The following NBAS variants were observed in gnomAD, a reference collection of about 807,000 sequenced individuals.
NBAS encodes NBAS subunit of NRZ tethering complex, also known as NAG/BC035112 fusion.
A neutral mutation model predicts 302.5 loss-of-function variants in NBAS; 219 were observed. The observed-to-expected ratio is 0.72, with a 90% confidence interval of 0.65 to 0.81. The LOEUF (loss-of-function observed/expected upper bound fraction) is 0.81, where lower values mean the gene tolerates loss of function less well. NBAS is among the 30% of genes least tolerant of loss of function. The pLI is 0.00. For missense variants in NBAS, 2,932 were observed against 2,841.6 expected (o/e 1.03, Z -0.72); for synonymous variants, 1,118 against 1,021.6 (o/e 1.09, Z -1.80).
At chr2:14,801,037 AT>A in the NBAS span, among the ~76,000 whole-genome samples, 3 of 151,742 alleles carry the variant, frequency 2.0e-5, no homozygotes, top group African/African-American at 4.8e-5. Context: ...TATGCTGACA[AT>A]TTTTTTTCCT....
At chr2:15,070,296 C>T in the NBAS span, among the ~76,000 whole-genome samples, 1 of 152,184 alleles carries the variant, frequency 6.6e-6, no homozygotes, top group Non-Finnish European at 1.5e-5. Flanking sequence ...GGATAGACCA[C>T]AGCTCTTTTT....
intron 9 of NBAS, among the ~76,000 whole-genome samples, chr2:15,531,846 T>A (rs1663230757): frequency 6.6e-6 from 1 of 152,156 alleles, no homozygotes; most frequent in Non-Finnish European, 1.5e-5. Context: ...TCAATGAGGG[T>A]AATGTGGCCA....
chr2:15,273,950 C>T (rs1030258506), intron 44 of NBAS, among the ~76,000 whole-genome samples: 4 of 151,630 alleles, frequency 2.6e-5, no homozygotes, highest in African/African-American at 7.3e-5. Flanking sequence ...GGCATGGTGG[C>T]GGGCTCCTGT....
the NBAS span, among the ~76,000 whole-genome samples, chr2:14,795,230 G>C: frequency 6.6e-6 from 1 of 151,976 alleles, no homozygotes; most frequent in Non-Finnish European, 1.5e-5. Context: ...AGCAGTGTAA[G>C]ATAGTTACAG....
intron 19 of NBAS, among the ~76,000 whole-genome samples, chr2:15,465,132 T>C (rs1402654329): frequency 6.6e-6 from 1 of 152,232 alleles, no homozygotes; most frequent in African/African-American, 2.4e-5. Flanking sequence ...AAGGGTATTC[T>C]CCTACCTACT....
chr2:15,440,426 CA>C (rs1391435313), intron 21 of NBAS, among the ~76,000 whole-genome samples: 1 of 152,000 alleles, frequency 6.6e-6, no homozygotes, highest in Admixed American at 6.5e-5. Flanking sequence ...TACCAAACTC[CA>C]ACAGACCTGC....
intron 28 of NBAS, 43 bp from the exon 29 acceptor site, chr2:15,383,360 C>A: frequency 6.4e-7 from 1 of 1,551,444 alleles, no homozygotes; most frequent in Non-Finnish European, 8.9e-7. Context: ...GGAAAGAAAA[C>A]AATTAAAATC....
In NBAS at chr2:15,467,263, G is replaced by A. The variant is rs919124003; in HGVS notation, c.2097+66C>T. ...AAGACCAAGAATATCCGATATTAGGGCAGCCATAGCATTTATAATGACAGA... is the reference window on the plus strand; with the variant it reads ...AAGACCAAGAATATCCGATATTAGGACAGCCATAGCATTTATAATGACAGA... On this transcript the variant is annotated intron_variant, in intron 19 of 51. Transcript: ENST00000281513. The A allele has an allele frequency of 2.1e-5, 24 of 1,132,274 alleles. No individual in the cohort carries two copies. In the African/African-American group the frequency reaches 3.0e-4, roughly 14 times the overall value. The allele number at this position is 1,132,274 out of a possible 1,614,324, so 70.1% of individuals were successfully genotyped here. A position where few individuals can be genotyped will look rare whatever the true frequency, so the allele number is the denominator to read the frequency against.
intron 45 of NBAS, among the ~76,000 whole-genome samples, chr2:15,237,522 T>C (rs1411451356): frequency 1.3e-5 from 2 of 151,606 alleles, no homozygotes; most frequent in Admixed American, 6.6e-5. Flanking sequence ...CTATTTCTGA[T>C]TTTTTTTCTG....
Position 15,275,802 on chromosome 2 carries a change from C to G in NBAS, c.5406G>C (p.Lys1802Asn). 1 of 1,613,372 alleles carries G rather than the reference C, an allele frequency of 6.2e-7. No individual in the cohort carries two copies. The highest frequency in any genetic ancestry group is 8.5e-7 in the Non-Finnish European group (1 of 1,179,972). The change falls in exon 44 of 52, where the codon AAG (lysine) becomes AAC (asparagine). Residue 1802 changes from lysine to asparagine, a missense_variant. Physicochemically the swap from Lys to Asn is moderately conservative, Grantham distance 94. Coordinates refer to ENST00000281513, the MANE Select transcript of NBAS (RefSeq NM_015909.4). ...GAGGACTCATGTTTTCATCTGTCAG[C>G]TTTTTGTAATTAAGACCTAGCAGAA... ...KVVASGLNYKKLTDENMSPLE... is the reference protein window; with the variant it reads ...KVVASGLNYKNLTDENMSPLE...
chr2:15,351,428 G>A (rs1257295864), intron 35 of NBAS, among the ~76,000 whole-genome samples: 1 of 152,104 alleles, frequency 6.6e-6, no homozygotes, highest in Non-Finnish European at 1.5e-5. Flanking sequence ...TGTAATCCAC[G>A]CACTTTGGAA....
At chr2:14,953,710 G>C in the NBAS span, among the ~76,000 whole-genome samples, 1 of 152,254 alleles carries the variant, frequency 6.6e-6, no homozygotes, top group East Asian at 1.9e-4. Flanking sequence ...AATTCCACAG[G>C]GGATGAGGAA....
At chr2:15,500,683 C>T (rs911605641) in intron 11 of NBAS, among the ~76,000 whole-genome samples, 2 of 151,820 alleles carry the variant, frequency 1.3e-5, no homozygotes, top group African/African-American at 2.4e-5. Flanking sequence ...CGCCTGTAAT[C>T]CCAGCACTTT....
chr2:15,083,107 A>C, the NBAS span, among the ~76,000 whole-genome samples: 1 of 152,196 alleles, frequency 6.6e-6, no homozygotes, highest in Non-Finnish European at 1.5e-5. Context: ...ATGGAGCAAA[A>C]GTGTGGGACA....
chr2:15,310,326 A>G (rs555048890), intron 38 of NBAS, among the ~76,000 whole-genome samples: 2 of 152,338 alleles, frequency 1.3e-5, no homozygotes, highest in South Asian at 4.1e-4. Flanking sequence ...CAAAGGGAAC[A>G]TCAGTTATCC....
the NBAS span, among the ~76,000 whole-genome samples, chr2:14,834,841 G>A: frequency 8.3e-4 from 127 of 152,142 alleles, no homozygotes; most frequent in Admixed American, 2.2e-3. Context: ...TGAAGGGGTG[G>A]AAATCGTCAG....
the NBAS span, among the ~76,000 whole-genome samples, chr2:15,144,067 A>ATC: frequency 9.5e-5 from 11 of 115,832 alleles, no homozygotes; most frequent in East Asian, 4.0e-4. Context: ...ATATATATAT[A>ATC]TCTCCCATTA....
At chr2:15,392,616 A>C (rs1055596371) in intron 28 of NBAS, among the ~76,000 whole-genome samples, 3 of 151,896 alleles carry the variant, frequency 2.0e-5, no homozygotes, top group African/African-American at 7.3e-5. Flanking sequence ...ATTTAAAGAA[A>C]TTAAAGAAGA....
chr2:15,469,422 AGTGTG>A (rs1679862067), intron 16 of NBAS, among the ~76,000 whole-genome samples: 1 of 152,178 alleles, frequency 6.6e-6, no homozygotes, highest in Non-Finnish European at 1.5e-5. Flanking sequence ...TGTGGAAGAC[AGTGTG>A]GCGATTCCTC....
Sources: allele counts gnomAD v4.1 joint callset (sites outside exome capture counted in the v4.1 genomes callset), GRCh38; gene constraint gnomAD v4.1.1; transcripts MANE v1.5; gene names NCBI Gene and HGNC (gene_info 2026-07-23, HGNC 2026-07-21).